KIAA1328: variants seen among roughly 807,000 people sequenced by gnomAD.
The protein encoded by KIAA1328 is KIAA1328.
KIAA1328 carries 52 observed loss-of-function variants against 68.1 expected under a neutral mutation model. The observed-to-expected ratio is 0.76, with a 90% CI of 0.61 to 0.96. The LOEUF (loss-of-function observed/expected upper bound fraction) is 0.96. KIAA1328 is among the 40% of genes least tolerant of loss of function. KIAA1328 has a pLI of 0.00. For missense variants in KIAA1328, 641 were observed against 677.6 expected (o/e 0.95, Z 0.60); for synonymous variants, 232 against 239.4 (o/e 0.97, Z 0.28).
intron 7 of KIAA1328, among the ~76,000 whole-genome samples, chr18:37,147,688 C>T (rs552163901): frequency 1.1e-3 from 162 of 152,260 alleles, no homozygotes; most frequent in Non-Finnish European, 1.8e-3. Flanking sequence ...GATAAGCCTT[C>T]TTCTCGTATG....
At chr18:36,839,316 A>G (rs1439907177) in intron 3 of KIAA1328, among the ~76,000 whole-genome samples, 1 of 152,092 alleles carries the variant, frequency 6.6e-6, no homozygotes, top group African/African-American at 2.4e-5. Context: ...CAAATTCATT[A>G]ACCTTCTGCA....
intron 6 of KIAA1328, among the ~76,000 whole-genome samples, chr18:36,990,343 T>A (rs759684606): frequency 1.3e-5 from 2 of 152,122 alleles, no homozygotes; most frequent in Non-Finnish European, 2.9e-5. Flanking sequence ...TTTTATTTAA[T>A]CTTACTAAAT....
At chr18:36,857,913 A>G (rs2047435546) in intron 4 of KIAA1328, among the ~76,000 whole-genome samples, 1 of 152,186 alleles carries the variant, frequency 6.6e-6, no homozygotes, top group African/African-American at 2.4e-5. Flanking sequence ...TTATGGTGCT[A>G]GGCTATGACT....
At chr18:37,116,106 A>T (rs185029643) in intron 7 of KIAA1328, among the ~76,000 whole-genome samples, 1,951 of 152,124 alleles carry the variant, frequency 0.013, 38 homozygotes, top group African/African-American at 0.045. Flanking sequence ...TATAGATTCA[A>T]TGCCATCCCC....
chr18:36,907,360 T>C (rs2049261825), intron 5 of KIAA1328, among the ~76,000 whole-genome samples: 1 of 152,104 alleles, frequency 6.6e-6, no homozygotes. Flanking sequence ...ATCCTCTTCT[T>C]GTTCTGGATC....
At chr18:37,164,486 T>G (rs1409368219) in intron 8 of KIAA1328, among the ~76,000 whole-genome samples, 1 of 152,198 alleles carries the variant, frequency 6.6e-6, no homozygotes, top group Non-Finnish European at 1.5e-5. Context: ...GGCTCACGCC[T>G]GTAAGCTCAG....
At chr18:36,949,880 A>T (rs2051086878) in intron 5 of KIAA1328, among the ~76,000 whole-genome samples, 1 of 152,222 alleles carries the variant, frequency 6.6e-6, no homozygotes, top group South Asian at 2.1e-4. Flanking sequence ...ATTGAAAAAT[A>T]ACATGTTCAT....
intron 6 of KIAA1328, chr18:37,063,689 T>G (rs2056238802): frequency 2.0e-6 from 2 of 984,958 alleles, no homozygotes; most frequent in Admixed American, 6.1e-5. Flanking sequence ...CATTAAGCTG[T>G]ACTACCTCTC....
intron 6 of KIAA1328, among the ~76,000 whole-genome samples, chr18:36,989,352 A>G (rs2053074678): frequency 6.6e-6 from 1 of 152,190 alleles, no homozygotes; most frequent in South Asian, 2.1e-4. Context: ...AGTGGATTAC[A>G]ATGTTATACT....
chr18:36,943,467 T>G (rs2050784045), intron 5 of KIAA1328, among the ~76,000 whole-genome samples: 1 of 152,248 alleles, frequency 6.6e-6, no homozygotes, highest in African/African-American at 2.4e-5. Context: ...ATAAACTGCT[T>G]CATCACTGAT....
At chr18:37,228,141 A>G (rs2060648677), downstream of KIAA1328, among the ~76,000 whole-genome samples, 1 of 152,242 alleles carries the variant, frequency 6.6e-6, no homozygotes, top group Non-Finnish European at 1.5e-5. Flanking sequence ...CAATCTCATG[A>G]TAAAACTTGA....
At chr18:37,128,683 A>C (rs1206420361) in intron 7 of KIAA1328, among the ~76,000 whole-genome samples, 1 of 152,240 alleles carries the variant, frequency 6.6e-6, no homozygotes, top group African/African-American at 2.4e-5. Context: ...AAACAAGGAC[A>C]CAAAGACCTG....
intron 6 of KIAA1328, among the ~76,000 whole-genome samples, chr18:36,968,167 C>T (rs1284206765): frequency 6.6e-6 from 1 of 152,126 alleles, no homozygotes; most frequent in African/African-American, 2.4e-5. Flanking sequence ...CAAAAACACA[C>T]TTAAGTACAC....
chr18:37,130,136 A>G (rs2058487640), intron 7 of KIAA1328, among the ~76,000 whole-genome samples: 1 of 152,168 alleles, frequency 6.6e-6, no homozygotes, highest in African/African-American at 2.4e-5. Context: ...TATGGATAAT[A>G]TATGGCATTG....
At position 37,027,286 on chromosome 18, in the gene KIAA1328, A is replaced by G. The variant is rs1018317167; in HGVS notation, c.577-39604A>G. ...AAGAATCAATATAGTGAAAATGGCC[A>G]TATTGCCCAAGGTAATTTATAGATT... On this transcript the variant is annotated intron_variant, in intron 6 of 9. Coordinates refer to ENST00000280020, the MANE Select transcript of KIAA1328 (RefSeq NM_020776.3). 4.6e-5 allele frequency among the ~76,000 whole-genome samples: 7 copies of G among 152,334 alleles called. No individual in the cohort carries two copies. In the East Asian group the frequency reaches 1.2e-3, roughly 25 times the overall value.
At chr18:37,104,027 G>T (rs559977903) in intron 7 of KIAA1328, among the ~76,000 whole-genome samples, 1 of 152,250 alleles carries the variant, frequency 6.6e-6, no homozygotes, top group South Asian at 2.1e-4. Flanking sequence ...ACAAATGTTG[G>T]CAAGAATGTA....
chr18:37,224,544 T>C lies in KIAA1328; in HGVS notation c.*2317T>C. Reference sequence around the variant, plus strand: ...ATGTAAATTTGTATATAATCTAATGTCTTCATTATTAATTGAATAGTACAT... The same window carrying C: ...ATGTAAATTTGTATATAATCTAATGCCTTCATTATTAATTGAATAGTACAT... On this transcript the variant is annotated 3_prime_UTR_variant, in exon 10 of 10. Coordinates refer to ENST00000280020, the MANE Select transcript of KIAA1328 (RefSeq NM_020776.3). 1 of 974,554 alleles carries C rather than the reference T, an allele frequency of 1.0e-6. No individual in the cohort carries two copies. The highest frequency in any genetic ancestry group is 1.2e-6 in the Non-Finnish European group (1 of 820,026). The allele number at this position is 974,554 out of a possible 1,614,324, so 60.4% of individuals were successfully genotyped here. A position where few individuals can be genotyped will look rare whatever the true frequency, so the allele number is the denominator to read the frequency against.
intron 9 of KIAA1328, among the ~76,000 whole-genome samples, chr18:37,192,496 G>A (rs2059925347): frequency 6.6e-6 from 1 of 152,116 alleles, no homozygotes; most frequent in Admixed American, 6.5e-5. Flanking sequence ...GCATCATTTT[G>A]ACCTCATAGA....
intron 7 of KIAA1328, among the ~76,000 whole-genome samples, chr18:37,153,610 TGGCAATCCAATA>T (rs2059087124): frequency 6.8e-6 from 1 of 147,470 alleles, no homozygotes; most frequent in South Asian, 2.2e-4. Flanking sequence ...TTGGGAGCTG[TGGCAATCCAATA>T]GCTTTTTTTT....
Sources: gnomAD v4.1 joint callset for allele counts (sites outside exome capture counted in the v4.1 genomes callset) on GRCh38, gnomAD v4.1.1 for gene constraint, MANE v1.5 for transcripts, NCBI Gene and HGNC (gene_info 2026-07-23, HGNC 2026-07-21) for gene names.